EIF3M: variants seen among roughly 807,000 people sequenced by gnomAD.
EIF3M encodes the protein eukaryotic translation initiation factor 3 subunit M, also known as B5 receptor.
In EIF3M, 25 loss-of-function variants were observed where a neutral mutation model predicts 49.7. The observed-to-expected ratio is 0.50, with a 90% CI of 0.37 to 0.70. EIF3M has a LOEUF of 0.70. Among genes scored for constraint, EIF3M ranks in the 30% least tolerant of loss-of-function variants. The probability of loss-of-function intolerance (pLI) is 0.00; values close to 1 mark genes in which losing one functional copy is unlikely to be tolerated. For synonymous variants in EIF3M, 156 were observed against 149.8 expected, an observed-to-expected ratio of 1.04 and a Z score of -0.30; for missense variants, 350 against 440.0, an observed-to-expected ratio of 0.80 and a Z score of 1.83.
In EIF3M at chr11:32,603,050, A is replaced by AAAT. The variant is rs1453432124; in HGVS notation, c.*652_*654dup. 6.6e-7 allele frequency: 1 copy of AAAT among 1,520,116 alleles called. No individual in the cohort carries two copies. Among genetic ancestry groups the AAAT allele is most frequent in the Non-Finnish European group, 9.0e-7 (1 of 1,115,854 alleles). The allele number at this position is 1,520,116 out of a possible 1,614,324, so 94.2% of individuals were successfully genotyped here. ...GAAAGATAAACTAATTTTACCTTCG[A>AAAT]AATTATTATACAAAAGATTTTAAAG... is the stretch of plus-strand genomic sequence containing the variant. On this transcript the variant is annotated 3_prime_UTR_variant, in exon 11 of 11. Coordinates refer to ENST00000531120, the MANE Select transcript of EIF3M (RefSeq NM_006360.6).
intron 2 of EIF3M, among the ~76,000 whole-genome samples, chr11:32,588,365 G>A (rs1190645756): frequency 2.1e-5 from 3 of 145,110 alleles, no homozygotes; most frequent in African/African-American, 5.2e-5. Context: ...CCCCAGCCTG[G>A]GCAAGAGAGC....
rs1327991628 is a variant in EIF3M, at chr11:32,603,592, G to A, written c.*1193G>A. On this transcript the variant is annotated 3_prime_UTR_variant, in exon 11 of 11. Transcript: ENST00000531120. ...GAATTTTATGTATTTTCCTCTGTGAGCAGTTTCTTAGGTCATTAAAAACAA... is the reference window on the plus strand; with the variant it reads ...GAATTTTATGTATTTTCCTCTGTGAACAGTTTCTTAGGTCATTAAAAACAA... 1 of 152,086 alleles carries A rather than the reference G, an allele frequency of 6.6e-6. No individual in the cohort carries two copies. The highest frequency in any genetic ancestry group is 2.4e-5 in the African/African-American group (1 of 41,394). The allele number at this position is 152,086 out of a possible 1,614,324, so 9.4% of individuals were successfully genotyped here. A position where few individuals can be genotyped will look rare whatever the true frequency, so the allele number is the denominator to read the frequency against.
chr11:32,586,946 A>T (rs886853935), intron 1 of EIF3M, 66 bp from the exon 2 acceptor site: 2 of 1,474,562 alleles, frequency 1.4e-6, no homozygotes, highest in African/African-American at 2.9e-5. Context: ...TTTCAGAAAG[A>T]GGACAGAATT....
chr11:32,592,920 G>A (rs1855125294), intron 5 of EIF3M: 1 of 247,536 alleles, frequency 4.0e-6, no homozygotes, highest in African/African-American at 2.3e-5. Flanking sequence ...AGCCTCCTTA[G>A]TAGGTGGGAC....
chr11:32,595,035 G>A, intron 7 of EIF3M, 22 bp downstream of exon 7: 2 of 1,596,110 alleles, frequency 1.3e-6, no homozygotes, highest in South Asian at 1.1e-5. Flanking sequence ...ATCCTTTAAT[G>A]TGAAAAATGT....
At chr11:32,598,298 A>G (rs1168369188) in intron 8 of EIF3M, among the ~76,000 whole-genome samples, 1 of 152,200 alleles carries the variant, frequency 6.6e-6, no homozygotes. Flanking sequence ...GTCAGTGACA[A>G]TGCAGAAATT....
At chr11:32,594,344 A>T (rs1855148288) in intron 6 of EIF3M, 2 of 162,452 alleles carry the variant, frequency 1.2e-5, no homozygotes, top group African/African-American at 4.8e-5. Flanking sequence ...AACTGGTAAC[A>T]AGAATAGAAT....
At chr11:32,585,220 C>T (rs762380058) in intron 1 of EIF3M, among the ~76,000 whole-genome samples, 8 of 151,298 alleles carry the variant, frequency 5.3e-5, no homozygotes, top group South Asian at 2.1e-4. Flanking sequence ...ATATGAAAGA[C>T]AAAAAGATAC....
In EIF3M at chr11:32,604,855, A is replaced by G. The variant is rs1855325376; in HGVS notation, c.*2456A>G. On this transcript the variant is annotated 3_prime_UTR_variant, in exon 11 of 11. Transcript: ENST00000531120. ...TGTTAGATTATGTAGTACTAAGTTT[A>G]TTTTATTTTATTTTTGAGACAGAGT... 6.6e-6 allele frequency: 1 copy of G among 151,658 alleles called. No homozygotes were observed. Among genetic ancestry groups the G allele is most frequent in the African/African-American group, 2.4e-5 (1 of 41,360 alleles). The allele number at this position is 151,658 out of a possible 1,614,324, so 9.4% of individuals were successfully genotyped here.
intron 2 of EIF3M, among the ~76,000 whole-genome samples, chr11:32,588,346 A>C (rs1855033679): frequency 6.9e-6 from 1 of 145,292 alleles, no homozygotes; most frequent in Non-Finnish European, 1.5e-5. Flanking sequence ...CCGAGATCGC[A>C]CCACTGCACC....
At chr11:32,602,094 A>G in intron 10 of EIF3M, 185 bp from the exon 11 acceptor site, 1 of 1,013,378 alleles carries the variant, frequency 9.9e-7, no homozygotes, top group Non-Finnish European at 1.5e-6. Flanking sequence ...CAGGAGAATT[A>G]GAAGGCTTAG....
chr11:32,601,501 TAAA>T (rs60498109), intron 9 of EIF3M: 5,187 of 216,710 alleles, frequency 0.024, 116 homozygotes, highest in African/African-American at 0.07. Flanking sequence ...TAGCATTCTT[TAAA>T]AAAAAAAAAA....
chr11:32,596,120 T>G, intron 8 of EIF3M, 73 bp downstream of exon 8: 1 of 1,174,242 alleles, frequency 8.5e-7, no homozygotes, highest in Non-Finnish European at 1.2e-6. Flanking sequence ...TACTATGTGT[T>G]CCAGCAAGTA....
chr11:32,598,958 A>T (rs888826619), intron 8 of EIF3M, among the ~76,000 whole-genome samples: 1 of 152,082 alleles, frequency 6.6e-6, no homozygotes, highest in African/African-American at 2.4e-5. Context: ...TTGAACATCT[A>T]TGCAAATCAG....
At position 32,601,802 on chromosome 11, in the gene EIF3M, C is replaced by T. The variant is rs749823142; in HGVS notation, c.984C>T (p.Thr328=). Residue 328 remains threonine (T), a synonymous_variant, in exon 10 of 11, where the codon ACC becomes ACT. Transcript: ENST00000531120. ...TGGTCTACTGCAAAATTGATCAGACCCAGAGAAAAGTAGTTGTCAGGTAAG... is the reference window on the plus strand; with the variant it reads ...TGGTCTACTGCAAAATTGATCAGACTCAGAGAAAAGTAGTTGTCAGGTAAG... ...TKMVYCKIDQ[T]QRKVVVSHST... is the part of the protein sequence containing the mutation. 1 of 1,612,272 alleles carries T rather than the reference C, an allele frequency of 6.2e-7. No individual in the cohort carries two copies. Among genetic ancestry groups the T allele is most frequent in the Non-Finnish European group, 8.5e-7 (1 of 1,178,972 alleles).
intron 5 of EIF3M, chr11:32,591,859 C>A: frequency 4.1e-6 from 1 of 243,374 alleles, no homozygotes; most frequent in South Asian, 6.1e-5. Flanking sequence ...TGCCCCCTTT[C>A]ATGCATGGGT....
chr11:32,583,970 G>T, intron 1 of EIF3M, 41 bp downstream of exon 1: 1 of 1,611,252 alleles, frequency 6.2e-7, no homozygotes, highest in Non-Finnish European at 8.5e-7. Flanking sequence ...TGGGGTGGGG[G>T]ATGTCCTAGT....
At chr11:32,592,950 G>A (rs1349842129) in intron 5 of EIF3M, among the ~76,000 whole-genome samples, 1 of 152,236 alleles carries the variant, frequency 6.6e-6, no homozygotes, top group African/African-American at 2.4e-5. Context: ...GCGCCACTGT[G>A]CCTAGGCATT....
chr11:32,584,091 C>G (rs539028125), intron 1 of EIF3M, 162 bp downstream of exon 1: 331 of 882,496 alleles, frequency 3.8e-4, no homozygotes, highest in South Asian at 6.2e-4. Flanking sequence ...TTCCTGGCCT[C>G]GATTCGCACC....
Sources: allele counts gnomAD v4.1 joint callset (sites outside exome capture counted in the v4.1 genomes callset), GRCh38; gene constraint gnomAD v4.1.1; transcripts MANE v1.5; gene names NCBI Gene and HGNC (gene_info 2026-07-23, HGNC 2026-07-21).